The following CA10 variants were observed in gnomAD, a reference collection of about 807,000 sequenced individuals.
CA10 encodes the protein carbonic anhydrase 10 (inactive).
A neutral mutation model predicts 44.2 loss-of-function variants in CA10; 14 were observed. The ratio of observed to expected loss-of-function variants is 0.32; its 90% CI spans 0.21 to 0.50. The LOEUF (loss-of-function observed/expected upper bound fraction) is 0.50. Ranked by LOEUF, CA10 falls within the 20% of genes least tolerant of loss-of-function variation. CA10 has a pLI of 0.99. For synonymous variants in CA10, 159 were observed against 141.6 expected, an observed-to-expected ratio of 1.12 and a Z score of -0.87; for missense variants, 350 against 409.7, an observed-to-expected ratio of 0.85 and a Z score of 1.26.
intron 3 of CA10, among the ~76,000 whole-genome samples, chr17:51,772,624 G>A (rs1250489635): frequency 6.6e-6 from 1 of 151,752 alleles, no homozygotes; most frequent in Admixed American, 6.6e-5. Flanking sequence ...GCCTACAATT[G>A]CCATGGGAAC....
At chr17:51,915,009 G>A (rs1389314964) in intron 3 of CA10, among the ~76,000 whole-genome samples, 2 of 152,012 alleles carry the variant, frequency 1.3e-5, no homozygotes, top group Non-Finnish European at 2.9e-5. Context: ...GTAATTCCAG[G>A]ATCTGGGGTA....
At chr17:52,152,054 C>T (rs932359224) in intron 1 of CA10, among the ~76,000 whole-genome samples, 7 of 152,154 alleles carry the variant, frequency 4.6e-5, no homozygotes, top group African/African-American at 1.4e-4. Context: ...TAATTATCAT[C>T]TCTGTTTTAC....
At chr17:52,061,558 TGA>T (rs1474757916) in intron 2 of CA10, among the ~76,000 whole-genome samples, 6 of 152,168 alleles carry the variant, frequency 3.9e-5, no homozygotes, top group African/African-American at 1.4e-4. Context: ...TACCAGGTGT[TGA>T]GAGACCTAGT....
chr17:51,778,941 T>C (rs1393788680), intron 3 of CA10, among the ~76,000 whole-genome samples: 1 of 152,172 alleles, frequency 6.6e-6, no homozygotes, highest in Admixed American at 6.5e-5. Context: ...CTCAGGCTTC[T>C]ACCTCCTGGA....
chr17:51,841,264 G>A (rs1978316654), intron 3 of CA10, among the ~76,000 whole-genome samples: 1 of 152,100 alleles, frequency 6.6e-6, no homozygotes, highest in African/African-American at 2.4e-5. Context: ...GCCATCTTAT[G>A]TGACTGTGTG....
intron 2 of CA10, among the ~76,000 whole-genome samples, chr17:51,996,447 G>C (rs1308900334): frequency 1.3e-5 from 2 of 151,940 alleles, no homozygotes; most frequent in East Asian, 3.9e-4. Flanking sequence ...TTTAAGCGGT[G>C]CTGGTTCAAA....
chr17:51,815,801 G>GTA (rs1555602279), intron 3 of CA10, among the ~76,000 whole-genome samples: 40 of 152,064 alleles, frequency 2.6e-4, no homozygotes, highest in African/African-American at 8.0e-4. Context: ...GTGTGTGTGT[G>GTA]TATAAAAATA....
intron 1 of CA10, among the ~76,000 whole-genome samples, chr17:52,076,083 G>A (rs928738035): frequency 5.9e-5 from 9 of 152,192 alleles, no homozygotes; most frequent in Non-Finnish European, 1.2e-4. Context: ...ACCTGAGTAA[G>A]ATGACTAGGT....
chr17:51,687,620 G>C (rs935140922), intron 4 of CA10, among the ~76,000 whole-genome samples: 2 of 152,262 alleles, frequency 1.3e-5, no homozygotes, highest in Admixed American at 6.5e-5. Context: ...TCAAGTTTTT[G>C]TCAATCCATA....
At chr17:52,055,476 T>C (rs1285287071) in intron 2 of CA10, among the ~76,000 whole-genome samples, 1 of 152,062 alleles carries the variant, frequency 6.6e-6, no homozygotes, top group Non-Finnish European at 1.5e-5. Flanking sequence ...TTTAGTGTGA[T>C]ATCTGAAAAC....
Position 52,033,487 on chromosome 17 carries a change from T to C in CA10, c.136+38832A>G, listed in dbSNP as rs573799131. Among the ~76,000 whole-genome samples the C allele has an allele frequency of 6.4e-4, 97 of 150,606 alleles. 1 individual carries two copies. The highest frequency in any genetic ancestry group is 1.1e-3 in the Non-Finnish European group (76 of 67,238). ...AACATTCATTGCATATTGTTTATCA[T>C]AGCGAAAAATTAGAAATAAGTTTTC... On this transcript the variant is annotated intron_variant, in intron 2 of 8. Coordinates refer to ENST00000451037, the MANE Select transcript of CA10 (RefSeq NM_020178.5).
intron 1 of CA10, among the ~76,000 whole-genome samples, chr17:52,096,166 A>C (rs927024050): frequency 6.6e-6 from 1 of 152,176 alleles, no homozygotes; most frequent in East Asian, 1.9e-4. Context: ...ATAGGGGTAC[A>C]TAGGCTGACA....
intron 3 of CA10, among the ~76,000 whole-genome samples, chr17:51,839,320 G>A (rs1014447201): frequency 4.6e-5 from 7 of 151,690 alleles, no homozygotes; most frequent in East Asian, 1.9e-4. Flanking sequence ...GTGAAACCCC[G>A]TCTCTACTTA....
In CA10 at chr17:51,808,462, C is replaced by T. The variant is rs1444733406; in HGVS notation, c.280-60644G>A. ...CTTGTTTACCCATCCAAAAGTTCTA[C>T]AGGCAATTTCAAATGTACATCTGCA... On this transcript the variant is annotated intron_variant, in intron 3 of 8. Coordinates refer to ENST00000451037, the MANE Select transcript of CA10 (RefSeq NM_020178.5). 2.0e-5 allele frequency among the ~76,000 whole-genome samples: 3 copies of T among 152,112 alleles called. No homozygotes were observed. The East Asian group carries it at 5.8e-4, about 29-fold the overall frequency.
chr17:51,725,851 G>A (rs1041763013), intron 4 of CA10, among the ~76,000 whole-genome samples: 1 of 152,094 alleles, frequency 6.6e-6, no homozygotes, highest in Non-Finnish European at 1.5e-5. Context: ...ACTCTATGCT[G>A]GACACTGTGT....
At chr17:52,044,402 C>A (rs937932540) in intron 2 of CA10, among the ~76,000 whole-genome samples, 7 of 152,086 alleles carry the variant, frequency 4.6e-5, no homozygotes, top group Non-Finnish European at 8.8e-5. Flanking sequence ...CTCCTGGGCT[C>A]AAGCAATCCT....
intron 2 of CA10, among the ~76,000 whole-genome samples, chr17:51,946,825 G>C (rs1056500692): frequency 3.3e-5 from 5 of 152,130 alleles, no homozygotes; most frequent in Non-Finnish European, 7.4e-5. Flanking sequence ...GTAGCTTATA[G>C]TATGATAATG....
intron 3 of CA10, among the ~76,000 whole-genome samples, chr17:51,842,026 G>A (rs1239829120): frequency 6.6e-6 from 1 of 152,184 alleles, no homozygotes; most frequent in African/African-American, 2.4e-5. Flanking sequence ...AACAAGGTCT[G>A]TGTGCATAGC....
At chr17:51,828,359 G>A (rs926676389) in intron 3 of CA10, among the ~76,000 whole-genome samples, 9 of 152,072 alleles carry the variant, frequency 5.9e-5, no homozygotes, top group African/African-American at 2.2e-4. Flanking sequence ...CATTCTTCCT[G>A]CTCCTGTGCA....
Sources: allele counts gnomAD v4.1 joint callset (sites outside exome capture counted in the v4.1 genomes callset), GRCh38; gene constraint gnomAD v4.1.1; transcripts MANE v1.5; gene names NCBI Gene and HGNC (gene_info 2026-07-23, HGNC 2026-07-21).